KPNA6: variants seen among roughly 807,000 people sequenced by gnomAD.
The protein encoded by KPNA6 is importin subunit alpha-7.
Under a neutral mutation model 72.0 loss-of-function variants are expected in KPNA6, and 9 were observed. That is an observed-to-expected ratio of 0.13 (90% CI 0.08 to 0.22). The LOEUF is 0.22. KPNA6 is among the 10% of genes least tolerant of loss of function. The probability of loss-of-function intolerance (pLI) is 1.00; values close to 1 mark genes in which losing one functional copy is unlikely to be tolerated. For synonymous variants in KPNA6, 219 were observed against 242.1 expected (o/e 0.90, Z 0.89); for missense variants, 374 against 655.7 (o/e 0.57, Z 4.69).
Position 32,174,279 on chromosome 1 carries a change from A to G in KPNA6, c.*3385A>G, listed in dbSNP as rs1286756502. 1 of 152,350 alleles carries G rather than the reference A, an allele frequency of 6.6e-6. No homozygotes were observed. The highest frequency in any genetic ancestry group is 1.9e-4 in the East Asian group (1 of 5,202). The allele number at this position is 152,350 out of a possible 1,614,324, so 9.4% of individuals were successfully genotyped here. Reference sequence around the variant, plus strand: ...TCTGCCATGAAAGCCATCTTCCAGGAGCCCTGTTTTTTGGAGCTGAACTGC... The same window carrying G: ...TCTGCCATGAAAGCCATCTTCCAGGGGCCCTGTTTTTTGGAGCTGAACTGC... On this transcript the variant is annotated 3_prime_UTR_variant, in exon 14 of 14. Transcript: ENST00000373625.
In KPNA6 at chr1:32,160,721, T is replaced by TC; in HGVS notation, c.647+19dup. The TC allele has an allele frequency of 1.3e-6, 2 of 1,597,938 alleles. No individual in the cohort carries two copies. The highest frequency in any genetic ancestry group is 1.7e-6 in the Non-Finnish European group (2 of 1,165,266). On this transcript the variant is annotated intron_variant, in intron 7 of 13. Transcript: ENST00000373625. Reference sequence around the variant, plus strand: ...TTGTTAACGTGAGTAATTATAATCATCTGTACCTGGGCGTCTACTGGGTGG... The same window carrying TC: ...TTGTTAACGTGAGTAATTATAATCATCCTGTACCTGGGCGTCTACTGGGTGG...
At position 32,157,395 on chromosome 1, in the gene KPNA6, C is replaced by G. The variant is rs778995231; in HGVS notation, c.281C>G (p.Ser94Cys). The G allele has an allele frequency of 5.0e-6, 8 of 1,614,028 alleles. No homozygotes were observed. In the South Asian group the frequency reaches 7.7e-5, roughly 16 times the overall value. The change falls in exon 4 of 14, where the codon TCT (serine) becomes TGT (cysteine). Residue 94 changes from serine to cysteine, a missense_variant. This residue lies in a region of KPNA6 where 298 missense variants were observed against 495.4 expected (regional missense o/e 0.60). Coordinates refer to ENST00000373625, the MANE Select transcript of KPNA6 (RefSeq NM_012316.5). ...EMVEMLFSDD[S>C]DLQLATTQKF... ...GTGGAGATGCTCTTTTCTGATGATTCTGACCTGCAGTTAGCAACCACACAG... is the reference window on the plus strand; with the variant it reads ...GTGGAGATGCTCTTTTCTGATGATTGTGACCTGCAGTTAGCAACCACACAG...
intron 9 of KPNA6, 35 bp downstream of exon 9, chr1:32,162,559 G>A (rs1397238984): frequency 1.9e-6 from 3 of 1,610,534 alleles, no homozygotes; most frequent in Non-Finnish European, 2.5e-6. Flanking sequence ...GGTTCTGGCT[G>A]GGCACGGTGG....
At chr1:32,155,444 C>T (rs1030297482) in intron 2 of KPNA6, among the ~76,000 whole-genome samples, 2 of 150,326 alleles carry the variant, frequency 1.3e-5, no homozygotes, top group South Asian at 4.2e-4. Context: ...GCCTTAGCCT[C>T]CCGAGTAGCT....
intron 8 of KPNA6, 126 bp downstream of exon 8, chr1:32,162,172 A>AGAT: frequency 1.1e-6 from 1 of 924,474 alleles, no homozygotes; most frequent in Non-Finnish European, 1.7e-6. Flanking sequence ...TTAGTGAAGT[A>AGAT]GATGATCTTG....
intron 10 of KPNA6, among the ~76,000 whole-genome samples, chr1:32,165,169 A>T (rs1642310283): frequency 6.6e-6 from 1 of 152,170 alleles, no homozygotes; most frequent in African/African-American, 2.4e-5. Flanking sequence ...GGCTTCTCAA[A>T]GTGCTGGGAT....
At position 32,160,647 on chromosome 1, in the gene KPNA6, T is replaced by C. The variant is rs1642220880; in HGVS notation, c.591T>C (p.Asp197=). 1 of 1,614,058 alleles carries C rather than the reference T, an allele frequency of 6.2e-7. No homozygotes were observed. Among genetic ancestry groups the C allele is most frequent in the Admixed American group, 1.7e-5 (1 of 60,018 alleles). ...GGGCACTGGGAAACATAGCTGGAGATAGCTCTGTTTGCCGAGATTACGTCT... is the reference window on the plus strand; with the variant it reads ...GGGCACTGGGAAACATAGCTGGAGACAGCTCTGTTTGCCGAGATTACGTCT... The part of the protein sequence containing the change: ...AVWALGNIAG[D]SSVCRDYVLN... Residue 197 remains aspartate (D), a synonymous_variant, in exon 7 of 14, where the codon GAT becomes GAC. Transcript: ENST00000373625.
rs1642420751 is a variant in KPNA6, at chr1:32,170,707, G to C, written c.1424G>C (p.Gly475Ala). 1 of 1,613,458 alleles carries C rather than the reference G, an allele frequency of 6.2e-7. No homozygotes were observed. The highest frequency in any genetic ancestry group is 8.5e-7 in the Non-Finnish European group (1 of 1,179,576). ...CTCTCCTTCCTTCTTACTACTGTAGGCTTGGATAAAATTGAGTTTCTCCAG... is the reference window on the plus strand; with the variant it reads ...CTCTCCTTCCTTCTTACTACTGTAGCCTTGGATAAAATTGAGTTTCTCCAG... Reference protein sequence around the residue: ...PYCGLIEEAYGLDKIEFLQSH... With the variant: ...PYCGLIEEAYALDKIEFLQSH... The change falls in exon 14 of 14, where the codon GGC becomes GCC. Residue 475 changes from glycine to alanine, a missense_variant and splice_region_variant. This residue lies in a region of KPNA6 where 34 missense variants were observed against 110.5 expected (regional missense o/e 0.31). Transcript: ENST00000373625.
chr1:32,153,448 G>A (rs1642073630), intron 1 of KPNA6, among the ~76,000 whole-genome samples: 1 of 151,692 alleles, frequency 6.6e-6, no homozygotes, highest in Admixed American at 6.6e-5. Context: ...GCAGGCACCT[G>A]TAGTCCCAGC....
At chr1:32,159,105 T>C in intron 5 of KPNA6, among the ~76,000 whole-genome samples, 1 of 152,220 alleles carries the variant, frequency 6.6e-6, no homozygotes, top group Admixed American at 6.5e-5. Flanking sequence ...TGGCAAAGGA[T>C]GCATGGGTGT....
chr1:32,119,837 C>T (rs964959605), intron 1 of KPNA6, among the ~76,000 whole-genome samples: 12 of 151,364 alleles, frequency 7.9e-5, no homozygotes, highest in Admixed American at 4.6e-4. Flanking sequence ...CTCCGCCTCC[C>T]GGGTTCAAGC....
At chr1:32,168,349 C>A (rs1231535240) in intron 12 of KPNA6, among the ~76,000 whole-genome samples, 1 of 152,162 alleles carries the variant, frequency 6.6e-6, no homozygotes, top group Non-Finnish European at 1.5e-5. Flanking sequence ...GCCACCACGC[C>A]CGGCTAATTT....
chr1:32,162,200 G>A (rs559687096), intron 8 of KPNA6, among the ~76,000 whole-genome samples, 154 bp downstream of exon 8: 19 of 152,334 alleles, frequency 1.2e-4, no homozygotes, highest in Non-Finnish European at 2.4e-4. Flanking sequence ...GGATAGTAAA[G>A]TGAAAAGGTA....
At chr1:32,119,890 G>A (rs1313664111) in intron 1 of KPNA6, among the ~76,000 whole-genome samples, 3 of 151,172 alleles carry the variant, frequency 2.0e-5, no homozygotes, top group African/African-American at 4.9e-5. Flanking sequence ...CATTACAGGC[G>A]CTCACCACTG....
At chr1:32,164,590 A>G (rs993674325) in intron 10 of KPNA6, among the ~76,000 whole-genome samples, 2 of 149,504 alleles carry the variant, frequency 1.3e-5, no homozygotes, top group Non-Finnish European at 3.0e-5. Flanking sequence ...ACCCACCCTA[A>G]TGGGTGTGAA....
In KPNA6 at chr1:32,170,801, CGAT is replaced by C; in HGVS notation, c.1522_1524del (p.Asp508del). On this transcript the variant is annotated inframe_deletion, in exon 14 of 14. Coordinates refer to ENST00000373625, the MANE Select transcript of KPNA6 (RefSeq NM_012316.5). The stretch of plus-strand genomic sequence containing the variant: ...TTGAGCACTACTTTGGTGTAGAAGA[CGAT>C]GATAGCAGCCTGGCTCCCCAAGTCG... 6.2e-7 allele frequency: 1 copy of C among 1,614,146 alleles called. No individual in the cohort carries two copies. Among genetic ancestry groups the C allele is most frequent in the Non-Finnish European group, 8.5e-7 (1 of 1,180,010 alleles).
rs71006332 is a variant in KPNA6, at chr1:32,119,032, A to ATTTTTT, written c.4+10910_4+10915dup. On this transcript the variant is annotated intron_variant, in intron 1 of 13. Coordinates refer to ENST00000373625, the MANE Select transcript of KPNA6 (RefSeq NM_012316.5). ...TATATATATATATATATATATATAT[A>ATTTTTT]TTTTTTTTTTTTTTTTTGAGAGAGA... is the stretch of plus-strand genomic sequence containing the variant. Among the ~76,000 whole-genome samples the ATTTTTT allele has an allele frequency of 1.9e-3, 76 of 40,268 alleles. 1 individual carries two copies. The highest frequency in any genetic ancestry group is 0.013 in the South Asian group (6 of 468). The allele number at this position is 40,268 out of a possible 152,430, so 26.4% of individuals were successfully genotyped here. A position where few individuals can be genotyped will look rare whatever the true frequency, so the allele number is the denominator to read the frequency against.
chr1:32,117,068 T>TA (rs1641339967), intron 1 of KPNA6, among the ~76,000 whole-genome samples: 1 of 152,014 alleles, frequency 6.6e-6, no homozygotes. Flanking sequence ...TTTGAAATAT[T>TA]ACGAGAATTA....
chr1:32,144,671 G>A (rs1286229844), intron 1 of KPNA6, among the ~76,000 whole-genome samples: 1 of 151,084 alleles, frequency 6.6e-6, no homozygotes, highest in African/African-American at 2.4e-5. Flanking sequence ...TTTTTTTTGA[G>A]ATGGAGTCTC....
Sources: gnomAD v4.1 joint callset for allele counts (sites outside exome capture counted in the v4.1 genomes callset) on GRCh38, gnomAD v4.1.1 for gene constraint, gnomAD v4.1.1 regional missense constraint, MANE v1.5 for transcripts, NCBI Gene and HGNC (gene_info 2026-07-23, HGNC 2026-07-21) for gene names.